LPP: variants seen among roughly 807,000 people sequenced by gnomAD.
LPP encodes LIM domain containing preferred translocation partner in lipoma.
A neutral mutation model predicts 60.4 loss-of-function variants in LPP; 38 were observed. That is an observed-to-expected ratio of 0.63 (90% CI 0.49 to 0.83). The LOEUF is 0.83. LPP is among the 40% of genes least tolerant of loss of function. LPP has a pLI of 0.00. For synonymous variants in LPP, 328 were observed against 290.8 expected (o/e 1.13, Z -1.30); for missense variants, 902 against 783.6 (o/e 1.15, Z -1.80).
chr3:188,376,223 G>A (rs1404386974), intron 3 of LPP, among the ~76,000 whole-genome samples: 34 of 151,762 alleles, frequency 2.2e-4, no homozygotes, highest in African/African-American at 2.9e-4. Context: ...TATTAGGTCT[G>A]CTTGGTGCAG....
In LPP at chr3:188,834,321, G is replaced by A. The variant is rs557824772; in HGVS notation, c.1411-31879G>A. ...TTTAGGATTTTTTTGTTTCTTTTTG[G>A]GTGTTTTTTTTTTTTTTTTTTTTTT... On this transcript the variant is annotated intron_variant, in intron 9 of 11. Transcript: ENST00000617246. 2.1e-3 allele frequency among the ~76,000 whole-genome samples: 263 copies of A among 122,822 alleles called. 4 individuals are homozygous for A. The South Asian group carries it at 0.029, about 13-fold the overall frequency. The allele number at this position is 122,822 out of a possible 152,430, so 80.6% of individuals were successfully genotyped here.
chr3:188,406,969 A>T (rs1309207943), intron 4 of LPP, among the ~76,000 whole-genome samples: 1 of 152,150 alleles, frequency 6.6e-6, no homozygotes, highest in Non-Finnish European at 1.5e-5. Context: ...CTCACACACG[A>T]AGCCTCAGAG....
rs185409089 is a variant in LPP, at chr3:188,800,456, A to G, written c.1410+40174A>G. On this transcript the variant is annotated intron_variant, in intron 9 of 11. Coordinates refer to ENST00000617246, the MANE Select transcript of LPP (RefSeq NM_001375462.1). ...GAGGTGGGGTTTCATCGTGTTAGCC[A>G]GGATGGTCTCCATCTCCTGACCTCG... Among the ~76,000 whole-genome samples the G allele has an allele frequency of 2.0e-3, 309 of 152,074 alleles. 3 individuals are homozygous for G. The highest frequency in any genetic ancestry group is 0.014 in the East Asian group (73 of 5,166).
intron 9 of LPP, among the ~76,000 whole-genome samples, chr3:188,859,217 A>G (rs1462037798): frequency 6.6e-6 from 1 of 151,932 alleles, no homozygotes; most frequent in Non-Finnish European, 1.5e-5. Context: ...GTTTCAGTGC[A>G]GGCTTATCTG....
At position 188,881,560 on chromosome 3, in the gene LPP, C is replaced by G. The variant is rs1030921590; in HGVS notation, c.*7081C>G. ...GAGAATTTCCCCAAAAAACCTCAGA[C>G]CCAGAAGTGTAAAAGCTACAGAAGG... On this transcript the variant is annotated 3_prime_UTR_variant, in exon 12 of 12. Transcript: ENST00000617246. 1 of 216,986 alleles carries G rather than the reference C, an allele frequency of 4.6e-6. No homozygotes were observed. The allele number at this position is 216,986 out of a possible 1,614,324, so 13.4% of individuals were successfully genotyped here.
intron 9 of LPP, among the ~76,000 whole-genome samples, chr3:188,843,660 G>A (rs1244679582): frequency 6.9e-6 from 1 of 144,820 alleles, no homozygotes; most frequent in African/African-American, 2.9e-5. Context: ...AGTGGGGGGC[G>A]CCTGTAGTCC....
chr3:188,785,535 C>CAT lies in LPP; in HGVS notation c.1410+25265_1410+25266dup, dbSNP rs369062490. 2.5e-3 allele frequency among the ~76,000 whole-genome samples: 39 copies of CAT among 15,666 alleles called. 8 individuals carry two copies. The East Asian group carries it at 0.043, about 17-fold the overall frequency. 10.3% of individuals were successfully genotyped at this position (15,666 alleles called of 152,430 possible). A position where few individuals can be genotyped will look rare whatever the true frequency, so the allele number is the denominator to read the frequency against. ...ATATATATATATATATATATTCCAT[C>CAT]ATATATATATATACACACACACACA... On this transcript the variant is annotated intron_variant, in intron 9 of 11. Transcript: ENST00000617246.
At chr3:188,589,522 T>C (rs1235510735) in intron 6 of LPP, among the ~76,000 whole-genome samples, 3 of 152,236 alleles carry the variant, frequency 2.0e-5, no homozygotes, top group Admixed American at 6.5e-5. Flanking sequence ...CCTGTCATGC[T>C]CATGTGGGTT....
Position 188,217,355 on chromosome 3 carries a change from T to C in LPP, c.-189-8050T>C, listed in dbSNP as rs995717658. ...GAAGGAGACTGATGTGCTGGCAGGATGTGGGCTGCAGGGGAAGAAGCAGGA... is the reference window on the plus strand; with the variant it reads ...GAAGGAGACTGATGTGCTGGCAGGACGTGGGCTGCAGGGGAAGAAGCAGGA... On this transcript the variant is annotated intron_variant, in intron 1 of 11. Coordinates refer to ENST00000617246, the MANE Select transcript of LPP (RefSeq NM_001375462.1). The surrounding 1 kb of genome is among the most constrained non-coding windows in gnomAD (Gnocchi z 4.0). Among the ~76,000 whole-genome samples, 2 of 152,078 alleles carry C rather than the reference T, an allele frequency of 1.3e-5. No individual in the cohort carries two copies. Among genetic ancestry groups the C allele is most frequent in the African/African-American group, 4.8e-5 (2 of 41,420 alleles).
chr3:188,753,861 A>C (rs2150362581), intron 8 of LPP, among the ~76,000 whole-genome samples: 1 of 152,166 alleles, frequency 6.6e-6, no homozygotes. Context: ...CCCACTAGCC[A>C]CGTACCTGTT....
intron 6 of LPP, chr3:188,568,014 G>A (rs1179114590): frequency 1.3e-5 from 2 of 151,918 alleles, no homozygotes; most frequent in African/African-American, 2.4e-5. Flanking sequence ...CTATTTGCAC[G>A]ATCTCGGGTA....
chr3:188,315,679 G>T (rs1754825200), intron 2 of LPP, among the ~76,000 whole-genome samples: 1 of 151,972 alleles, frequency 6.6e-6, no homozygotes, highest in Admixed American at 6.6e-5. Context: ...TATTTATTTT[G>T]GGTCTACCGT....
chr3:188,436,408 C>A (rs1021703937), intron 4 of LPP, among the ~76,000 whole-genome samples: 5 of 152,126 alleles, frequency 3.3e-5, no homozygotes, highest in African/African-American at 1.2e-4. Flanking sequence ...CTTTGATTCC[C>A]AGATTTAACA....
intron 2 of LPP, among the ~76,000 whole-genome samples, chr3:188,229,785 T>G (rs1009218): frequency 0.49 from 74,753 of 152,068 alleles, 18,897 homozygotes; most frequent in Middle Eastern, 0.58. Flanking sequence ...TGGAGATACC[T>G]CTACTCTACA....
At chr3:188,170,861 T>C (rs1443261679) in intron 1 of LPP, among the ~76,000 whole-genome samples, 2 of 152,192 alleles carry the variant, frequency 1.3e-5, no homozygotes, top group East Asian at 3.9e-4. Context: ...AAAATAATGC[T>C]ACCAATTTCC....
intron 1 of LPP, among the ~76,000 whole-genome samples, chr3:188,184,098 C>T (rs1725882328): frequency 6.6e-6 from 1 of 152,120 alleles, no homozygotes; most frequent in Non-Finnish European, 1.5e-5. Context: ...CATCGCAGTG[C>T]CTCTGGGATT....
At chr3:188,558,798 A>G (rs1486015836) in intron 6 of LPP, among the ~76,000 whole-genome samples, 1 of 152,108 alleles carries the variant, frequency 6.6e-6, no homozygotes, top group Non-Finnish European at 1.5e-5. Context: ...CAATGGTCAA[A>G]AGATGAATCT....
At chr3:188,437,667 T>A (rs1382369248) in intron 4 of LPP, among the ~76,000 whole-genome samples, 1 of 152,196 alleles carries the variant, frequency 6.6e-6, no homozygotes, top group African/African-American at 2.4e-5. Context: ...TTCCCCACCA[T>A]CATATTTAGC....
intron 3 of LPP, among the ~76,000 whole-genome samples, chr3:188,379,472 A>C (rs1399455922): frequency 6.6e-6 from 1 of 152,224 alleles, no homozygotes; most frequent in African/African-American, 2.4e-5. Context: ...CACAGCCGTC[A>C]CCAAGATCAA....
Sources: allele counts gnomAD v4.1 joint callset (sites outside exome capture counted in the v4.1 genomes callset), GRCh38; gene constraint gnomAD v4.1.1; non-coding constraint Gnocchi (gnomAD v3.1); transcripts MANE v1.5; gene names NCBI Gene and HGNC (gene_info 2026-07-23, HGNC 2026-07-21).